KPNA6: variants seen among roughly 807,000 people sequenced by gnomAD.
KPNA6 encodes the protein importin subunit alpha-7.
A neutral mutation model predicts 72.0 loss-of-function variants in KPNA6; 9 were observed. That is an observed-to-expected ratio of 0.13 (90% CI 0.08 to 0.22). The LOEUF (loss-of-function observed/expected upper bound fraction) is 0.22, where lower values mean the gene tolerates loss of function less well. Ranked by LOEUF, KPNA6 falls within the 10% of genes least tolerant of loss-of-function variation. The pLI, the probability that KPNA6 is intolerant of heterozygous loss-of-function variation, is 1.00. For synonymous variants in KPNA6, 219 were observed against 242.1 expected (o/e 0.90, Z 0.89); for missense variants, 374 against 655.7 (o/e 0.57, Z 4.69).
rs527696533 is a variant in KPNA6, at chr1:32,143,060, G to T, written c.5-11528G>T. The T allele has an allele frequency of 1.7e-3, 1,968 of 1,147,316 alleles. 40 individuals are homozygous for T. In the South Asian group the frequency reaches 0.023, roughly 14 times the overall value. 71.1% of individuals were successfully genotyped at this position (1,147,316 alleles called of 1,614,324 possible). ...ACAGCAGTTCATAGTGCTGCCTTCAGAAATCTGTTGTCTACTCTGTTAGTC... is the reference window on the plus strand; with the variant it reads ...ACAGCAGTTCATAGTGCTGCCTTCATAAATCTGTTGTCTACTCTGTTAGTC... On this transcript the variant is annotated intron_variant, in intron 1 of 13. Transcript: ENST00000373625.
chr1:32,159,657 A>C, intron 6 of KPNA6, 126 bp downstream of exon 6: 1 of 1,042,948 alleles, frequency 9.6e-7, no homozygotes, highest in Non-Finnish European at 1.4e-6. Context: ...TAGGGGTGTC[A>C]AGTACAGATG....
At chr1:32,137,783 G>A (rs937884856) in intron 1 of KPNA6, among the ~76,000 whole-genome samples, 1 of 152,142 alleles carries the variant, frequency 6.6e-6, no homozygotes, top group African/African-American at 2.4e-5. Flanking sequence ...GAATTGGGGA[G>A]GAGAATGTTC....
intron 1 of KPNA6, 112 bp from the exon 2 acceptor site, chr1:32,154,476 C>G (rs1315247252): frequency 1.8e-6 from 2 of 1,116,472 alleles, no homozygotes; most frequent in Non-Finnish European, 2.6e-6. Context: ...TCCCAGAGAG[C>G]TGTATTCCCC....
intron 12 of KPNA6, among the ~76,000 whole-genome samples, chr1:32,168,401 G>A (rs2124095762): frequency 6.6e-6 from 1 of 152,286 alleles, no homozygotes; most frequent in South Asian, 2.1e-4. Flanking sequence ...ATGTTAGCAG[G>A]CTGGTCTTGA....
intron 8 of KPNA6, 146 bp from the exon 9 acceptor site, chr1:32,162,215 C>T (rs1642251730): frequency 1.1e-6 from 1 of 935,088 alleles, no homozygotes; most frequent in Non-Finnish European, 1.7e-6. Context: ...AAGGTAGACC[C>T]AAATGTTTAA....
chr1:32,114,851 A>G (rs12117354), intron 1 of KPNA6, among the ~76,000 whole-genome samples: 2,459 of 152,126 alleles, frequency 0.016, 29 homozygotes, highest in Non-Finnish European at 0.024. Context: ...TTCACCTTGC[A>G]CTTTTTTGAG....
chr1:32,152,153 A>AC (rs1287778025), intron 1 of KPNA6, among the ~76,000 whole-genome samples: 2 of 151,522 alleles, frequency 1.3e-5, no homozygotes, highest in Non-Finnish European at 2.9e-5. Flanking sequence ...ATATAGTGAG[A>AC]CCCCCATCTC....
intron 1 of KPNA6, among the ~76,000 whole-genome samples, chr1:32,133,869 G>A (rs949235997): frequency 2.6e-5 from 4 of 151,856 alleles, no homozygotes; most frequent in East Asian, 3.9e-4. Flanking sequence ...GTGAAACCCC[G>A]TCTCTACTAA....
intron 1 of KPNA6, among the ~76,000 whole-genome samples, chr1:32,141,039 T>G (rs1210527872): frequency 1.3e-5 from 2 of 152,104 alleles, no homozygotes; most frequent in Non-Finnish European, 2.9e-5. Flanking sequence ...TTTACTTGCT[T>G]TGGGGGAATT....
At chr1:32,164,800 A>G (rs1642302973) in intron 10 of KPNA6, among the ~76,000 whole-genome samples, 1 of 149,646 alleles carries the variant, frequency 6.7e-6, no homozygotes, top group South Asian at 2.1e-4. Flanking sequence ...TGTTCTGGAT[A>G]TTAATCTCTT....
intron 1 of KPNA6, among the ~76,000 whole-genome samples, chr1:32,114,741 C>A (rs573185759): frequency 2.6e-5 from 4 of 152,330 alleles, no homozygotes; most frequent in African/African-American, 9.6e-5. Context: ...GCTGTTTCTT[C>A]TACATTGAAA....
intron 1 of KPNA6, among the ~76,000 whole-genome samples, chr1:32,108,702 G>A (rs901137259): frequency 6.6e-6 from 1 of 152,256 alleles, no homozygotes; most frequent in Non-Finnish European, 1.5e-5. Flanking sequence ...AATCAAGGCG[G>A]AAATAGTGTG....
At chr1:32,128,375 TTA>T (rs1641569935) in intron 1 of KPNA6, among the ~76,000 whole-genome samples, 2 of 106,222 alleles carry the variant, frequency 1.9e-5, no homozygotes, top group African/African-American at 6.7e-5. Context: ...ATTTTTTATA[TTA>T]TATATGTATT....
chr1:32,122,824 G>A (rs1374560436), intron 1 of KPNA6, among the ~76,000 whole-genome samples: 1 of 152,092 alleles, frequency 6.6e-6, no homozygotes, highest in Non-Finnish European at 1.5e-5. Flanking sequence ...GGGTGTGGTG[G>A]TGCATGCCTG....
intron 11 of KPNA6, among the ~76,000 whole-genome samples, chr1:32,166,805 G>A (rs1261584955): frequency 2.0e-5 from 3 of 151,500 alleles, no homozygotes; most frequent in Non-Finnish European, 4.4e-5. Context: ...GGGCGTGGTG[G>A]CAGGCGCCTG....
At chr1:32,121,464 A>C (rs1254737730) in intron 1 of KPNA6, among the ~76,000 whole-genome samples, 1 of 152,182 alleles carries the variant, frequency 6.6e-6, no homozygotes, top group African/African-American at 2.4e-5. Flanking sequence ...TCTGGAGCTC[A>C]AGAGTGAGGC....
At chr1:32,134,256 CAAAA>C (rs34653548) in intron 1 of KPNA6, among the ~76,000 whole-genome samples, 1 of 109,524 alleles carries the variant, frequency 9.1e-6, no homozygotes. Context: ...CACTTCGTCT[CAAAA>C]AAAAAAAAAA....
At chr1:32,166,344 T>A (rs1642337202) in intron 11 of KPNA6, 114 bp downstream of exon 11, 3 of 1,301,902 alleles carry the variant, frequency 2.3e-6, no homozygotes, top group Non-Finnish European at 3.1e-6. Context: ...AGGAGTCAAT[T>A]GGCCAGGCAC....
At chr1:32,136,609 T>C (rs911301104) in intron 1 of KPNA6, among the ~76,000 whole-genome samples, 2 of 152,200 alleles carry the variant, frequency 1.3e-5, no homozygotes, top group Non-Finnish European at 2.9e-5. Context: ...TGTAATAATA[T>C]ATTATCACTG....
Sources: gnomAD v4.1 joint callset for allele counts (sites outside exome capture counted in the v4.1 genomes callset) on GRCh38, gnomAD v4.1.1 for gene constraint, MANE v1.5 for transcripts, NCBI Gene and HGNC (gene_info 2026-07-23, HGNC 2026-07-21) for gene names.